RBFOX1: variants seen among roughly 807,000 people sequenced by gnomAD.
The protein encoded by RBFOX1 is RNA binding protein fox-1 homolog 1.
Under a neutral mutation model 57.7 loss-of-function variants are expected in RBFOX1, and 8 were observed. That is an observed-to-expected ratio of 0.14 (90% CI 0.08 to 0.25). The LOEUF is 0.25. Ranked by LOEUF, RBFOX1 falls within the 10% of genes least tolerant of loss-of-function variation. The pLI, the probability that RBFOX1 is intolerant of heterozygous loss-of-function variation, is 1.00. For synonymous variants in RBFOX1, 326 were observed against 222.4 expected, an observed-to-expected ratio of 1.47 and a Z score of -4.15; for missense variants, 611 against 548.5, an observed-to-expected ratio of 1.11 and a Z score of -1.14.
intron 4 of RBFOX1, among the ~76,000 whole-genome samples, chr16:7,495,589 C>G (rs8044393): frequency 0.011 from 1,661 of 152,184 alleles, 36 homozygotes; most frequent in African/African-American, 0.037. Flanking sequence ...AGCATTTTTT[C>G]GTATGTTTGT....
chr16:6,696,911 G>T (rs1873054828), intron 3 of RBFOX1, among the ~76,000 whole-genome samples: 1 of 152,112 alleles, frequency 6.6e-6, no homozygotes, highest in Non-Finnish European at 1.5e-5. Flanking sequence ...TTGCTGTCTT[G>T]CAAAACCCCC....
intron 3 of RBFOX1, among the ~76,000 whole-genome samples, chr16:5,645,694 C>G (rs1267161717): frequency 1.3e-5 from 2 of 152,206 alleles, no homozygotes; most frequent in Admixed American, 6.5e-5. Flanking sequence ...CAGACAGGAT[C>G]TTGGTCTGGC....
chr16:7,211,504 G>C (rs1363042039), intron 4 of RBFOX1, among the ~76,000 whole-genome samples: 2 of 151,784 alleles, frequency 1.3e-5, no homozygotes, highest in Non-Finnish European at 2.9e-5. Context: ...TCTATCACTA[G>C]TAAATACAGG....
At chr16:6,022,709 A>G (rs1458916391) in intron 1 of RBFOX1, among the ~76,000 whole-genome samples, 2 of 152,190 alleles carry the variant, frequency 1.3e-5, no homozygotes, top group African/African-American at 4.8e-5. Flanking sequence ...CAAACAAACA[A>G]ACAAAAAACA....
At chr16:6,076,471 G>GT (rs938802804) in intron 1 of RBFOX1, among the ~76,000 whole-genome samples, 2 of 151,986 alleles carry the variant, frequency 1.3e-5, no homozygotes, top group African/African-American at 2.4e-5. Context: ...AGCCTTGCCT[G>GT]TTTTTTTGTT....
chr16:5,452,823 T>C (rs919739706), intron 1 of RBFOX1, among the ~76,000 whole-genome samples: 4 of 152,014 alleles, frequency 2.6e-5, no homozygotes, highest in African/African-American at 9.7e-5. Context: ...TTTGTATTTT[T>C]AGTAGGGACG....
At chr16:6,762,560 C>T (rs1487592871) in intron 3 of RBFOX1, among the ~76,000 whole-genome samples, 1 of 152,218 alleles carries the variant, frequency 6.6e-6, no homozygotes, top group Middle Eastern at 3.4e-3. Context: ...AAGGTTGAAA[C>T]TCTAGACTAC....
At chr16:6,639,994 A>G (rs2098474212) in intron 2 of RBFOX1, among the ~76,000 whole-genome samples, 1 of 152,160 alleles carries the variant, frequency 6.6e-6, no homozygotes, top group South Asian at 2.1e-4. Context: ...TAACACTAAC[A>G]CCCATATGAT....
chr16:7,509,508 C>T lies in RBFOX1; in HGVS notation c.28-8639C>T, dbSNP rs116687367. ...CTTACAATAATATGGTGAAGCTACT[C>T]ATCATTGGTCCCATTAAACAGAAGC... On this transcript the variant is annotated intron_variant, in intron 4 of 15. Coordinates refer to ENST00000550418, the MANE Select transcript of RBFOX1 (RefSeq NM_018723.4). Among the ~76,000 whole-genome samples, 1,094 of 151,886 alleles carry T rather than the reference C, an allele frequency of 7.2e-3. 16 individuals are homozygous for T. The highest frequency in any genetic ancestry group is 0.025 in the African/African-American group (1,034 of 41,398).
At chr16:6,815,572 T>C (rs1010754877) in intron 3 of RBFOX1, among the ~76,000 whole-genome samples, 1 of 152,202 alleles carries the variant, frequency 6.6e-6, no homozygotes, top group Non-Finnish European at 1.5e-5. Context: ...CAGTATCTCA[T>C]TTAATCCTCC....
chr16:7,192,950 C>T (rs764529840), intron 4 of RBFOX1, among the ~76,000 whole-genome samples: 4 of 152,180 alleles, frequency 2.6e-5, no homozygotes, highest in Non-Finnish European at 5.9e-5. Context: ...GATCTCTTCC[C>T]CTCCTCTTTG....
chr16:6,209,957 T>C (rs1426650824), intron 1 of RBFOX1, among the ~76,000 whole-genome samples: 1 of 152,146 alleles, frequency 6.6e-6, no homozygotes, highest in Non-Finnish European at 1.5e-5. Context: ...TCTAGACTTT[T>C]TGTTTGTTTT....
At chr16:5,379,354 C>T (rs960651449) in intron 1 of RBFOX1, among the ~76,000 whole-genome samples, 5 of 151,512 alleles carry the variant, frequency 3.3e-5, no homozygotes, top group African/African-American at 7.4e-5. Flanking sequence ...GAGAAACACA[C>T]CCCCAGCCCA....
At chr16:7,340,713 T>G (rs1444459399) in intron 4 of RBFOX1, among the ~76,000 whole-genome samples, 1 of 152,240 alleles carries the variant, frequency 6.6e-6, no homozygotes, top group Non-Finnish European at 1.5e-5. Flanking sequence ...TTATTAACTT[T>G]GTCATGACGT....
At chr16:7,052,618 C>T (rs2050496336) in intron 4 of RBFOX1, among the ~76,000 whole-genome samples, 1 of 152,076 alleles carries the variant, frequency 6.6e-6, no homozygotes, top group South Asian at 2.1e-4. Flanking sequence ...ACCTTATATT[C>T]TGTTTCCCCA....
intron 3 of RBFOX1, among the ~76,000 whole-genome samples, chr16:5,686,192 A>C (rs917454609): frequency 2.0e-5 from 3 of 152,198 alleles, no homozygotes; most frequent in Admixed American, 6.5e-5. Context: ...GAAATGTATC[A>C]AGAGGAAGAT....
chr16:6,881,520 C>T (rs890804370), intron 3 of RBFOX1, among the ~76,000 whole-genome samples: 4 of 152,160 alleles, frequency 2.6e-5, no homozygotes, highest in African/African-American at 9.7e-5. Flanking sequence ...TTTACATCAT[C>T]TTCCGTCTAT....
At chr16:7,411,028 C>T (rs1006314871) in intron 4 of RBFOX1, among the ~76,000 whole-genome samples, 1 of 152,102 alleles carries the variant, frequency 6.6e-6, no homozygotes, top group Non-Finnish European at 1.5e-5. Flanking sequence ...TCACTGCACC[C>T]TCTGCCTCTT....
chr16:7,517,715 A>T (rs868812654), intron 4 of RBFOX1, among the ~76,000 whole-genome samples: 2 of 152,250 alleles, frequency 1.3e-5, no homozygotes, highest in Middle Eastern at 6.8e-3. Flanking sequence ...ACACACGTTC[A>T]ATTTAGTCTC....
Sources: gnomAD v4.1 joint callset for allele counts (sites outside exome capture counted in the v4.1 genomes callset) on GRCh38, gnomAD v4.1.1 for gene constraint, MANE v1.5 for transcripts, NCBI Gene and HGNC (gene_info 2026-07-23, HGNC 2026-07-21) for gene names.